SLC7A14: variants seen among roughly 807,000 people sequenced by gnomAD.
SLC7A14 encodes solute carrier family 7 member 14.
Under a neutral mutation model 60.2 loss-of-function variants are expected in SLC7A14, and 37 were observed. The ratio of observed to expected loss-of-function variants is 0.61; its 90% CI spans 0.47 to 0.81. The LOEUF (loss-of-function observed/expected upper bound fraction) is 0.81, where lower values mean the gene tolerates loss of function less well. SLC7A14 is among the 30% of genes least tolerant of loss of function. SLC7A14 has a pLI of 0.00. For synonymous variants in SLC7A14, 399 were observed against 395.8 expected (o/e 1.01, Z -0.10); for missense variants, 886 against 982.7 (o/e 0.90, Z 1.32).
At position 170,501,133 on chromosome 3, in the gene SLC7A14, T is replaced by C; in HGVS notation, c.517A>G (p.Ser173Gly). The C allele has an allele frequency of 6.2e-7, 1 of 1,614,252 alleles. No individual in the cohort carries two copies. ...NHTISRWMAD[S>G]VGTLNGLGKG... ...CCCAGGCCATTGAGGGTTCCCACGC[T>C]GTCCGCCATCCAGCGGCTGATGGTG... Residue 173 changes from serine (S) to glycine (G), a missense_variant, in exon 3 of 8, where the codon AGC becomes GGC. Transcript: ENST00000231706.
intron 1 of SLC7A14, among the ~76,000 whole-genome samples, chr3:170,569,324 C>T (rs1216367740): frequency 7.2e-5 from 11 of 152,212 alleles, no homozygotes; most frequent in African/African-American, 1.4e-4. Context: ...TATTGATTTG[C>T]GTATGTTGAA....
At chr3:170,496,415 G>A in intron 4 of SLC7A14, 2 of 1,363,724 alleles carry the variant, frequency 1.5e-6, no homozygotes, top group Admixed American at 3.4e-5. Context: ...AAGGCCAGAG[G>A]GCTTCCCTGG....
Position 170,509,525 on chromosome 3 carries a change from A to C in SLC7A14, c.305-8180T>G, listed in dbSNP as rs137971193. Among the ~76,000 whole-genome samples the C allele has an allele frequency of 4.0e-3, 603 of 152,346 alleles. 4 individuals are homozygous for C. The highest frequency in any genetic ancestry group is 6.1e-3 in the Non-Finnish European group (416 of 68,034). ...ATAATTTGTTGATTAAATGTAACCA[A>C]CTGGCCGGGCACGGTGGCTCACACC... On this transcript the variant is annotated intron_variant, in intron 2 of 7. Transcript: ENST00000231706.
chr3:170,470,495 C>T (rs1311035426), intron 7 of SLC7A14, among the ~76,000 whole-genome samples: 1 of 151,374 alleles, frequency 6.6e-6, no homozygotes, highest in African/African-American at 2.4e-5. Flanking sequence ...ATCACTCTGT[C>T]TTCAAAAATG....
intron 1 of SLC7A14, chr3:170,569,965 C>G (rs1001923861): frequency 6.6e-6 from 1 of 152,088 alleles, no homozygotes; most frequent in Non-Finnish European, 1.5e-5. Context: ...ATACCAGCTC[C>G]TGGATTCATT....
chr3:170,536,765 G>C (rs577210996), intron 1 of SLC7A14, among the ~76,000 whole-genome samples: 3 of 152,310 alleles, frequency 2.0e-5, no homozygotes, highest in Middle Eastern at 6.8e-3. Context: ...TAGTTGCAAA[G>C]TGTACTCATG....
At chr3:170,542,617 T>TAA (rs1201817304) in intron 1 of SLC7A14, among the ~76,000 whole-genome samples, 1 of 152,250 alleles carries the variant, frequency 6.6e-6, no homozygotes, top group Non-Finnish European at 1.5e-5. Flanking sequence ...CACTCAGTGT[T>TAA]GTTCAAGTCC....
intron 1 of SLC7A14, among the ~76,000 whole-genome samples, chr3:170,582,216 A>G (rs959255034): frequency 1.3e-5 from 2 of 152,112 alleles, no homozygotes; most frequent in Middle Eastern, 3.2e-3. Flanking sequence ...CAGAAGATTC[A>G]AAGAAGAGTA....
intron 2 of SLC7A14, among the ~76,000 whole-genome samples, chr3:170,516,818 G>C (rs1237436682): frequency 6.6e-6 from 1 of 152,092 alleles, no homozygotes; most frequent in Non-Finnish European, 1.5e-5. Context: ...GTATGAAGCA[G>C]CATGGGGGTC....
chr3:170,467,439 A>G (rs889149842), intron 7 of SLC7A14, 62 bp from the exon 8 acceptor site: 2 of 1,015,248 alleles, frequency 2.0e-6, no homozygotes, highest in Admixed American at 3.9e-5. Flanking sequence ...TGGGACTAGC[A>G]GAGAGATCAC....
chr3:170,483,762 G>A (rs2108270672), intron 5 of SLC7A14, among the ~76,000 whole-genome samples: 1 of 152,314 alleles, frequency 6.6e-6, no homozygotes, highest in South Asian at 2.1e-4. Context: ...CTATCTCTCT[G>A]GTCCTTTGAT....
chr3:170,483,960 C>T (rs1430843159), intron 5 of SLC7A14, among the ~76,000 whole-genome samples: 4 of 152,222 alleles, frequency 2.6e-5, no homozygotes, highest in African/African-American at 9.7e-5. Flanking sequence ...TCTGGTCCTA[C>T]AGGGTTTTAT....
intron 1 of SLC7A14, among the ~76,000 whole-genome samples, chr3:170,541,155 G>T (rs561088264): frequency 6.6e-6 from 1 of 152,276 alleles, no homozygotes; most frequent in African/African-American, 2.4e-5. Flanking sequence ...TGCAGAAAAA[G>T]ATTTATTTCA....
At chr3:170,482,817 A>G (rs1711876502) in intron 6 of SLC7A14, among the ~76,000 whole-genome samples, 2 of 152,256 alleles carry the variant, frequency 1.3e-5, no homozygotes, top group African/African-American at 4.8e-5. Context: ...CACAGCACCC[A>G]GGACACACAA....
At chr3:170,570,688 A>G (rs989767082) in intron 1 of SLC7A14, among the ~76,000 whole-genome samples, 5 of 152,148 alleles carry the variant, frequency 3.3e-5, no homozygotes, top group African/African-American at 1.2e-4. Context: ...GACACTGGTA[A>G]AGTATTTCAT....
Position 170,501,363 on chromosome 3 carries a change from A to T in SLC7A14, c.305-18T>A. ...GCAGACGCCTGCAAGGGACAGACATACACAGATGGTGGACTTCAGGAGATG... is the reference window on the plus strand; with the variant it reads ...GCAGACGCCTGCAAGGGACAGACATTCACAGATGGTGGACTTCAGGAGATG... On this transcript the variant is annotated intron_variant, in intron 2 of 7. Coordinates refer to ENST00000231706, the MANE Select transcript of SLC7A14 (RefSeq NM_020949.3). 1 of 1,606,042 alleles carries T rather than the reference A, an allele frequency of 6.2e-7. No individual in the cohort carries two copies. The highest frequency in any genetic ancestry group is 8.5e-7 in the Non-Finnish European group (1 of 1,172,702).
At chr3:170,562,196 T>C (rs1714672289) in intron 1 of SLC7A14, among the ~76,000 whole-genome samples, 1 of 152,088 alleles carries the variant, frequency 6.6e-6, no homozygotes, top group Non-Finnish European at 1.5e-5. Context: ...CACACACATA[T>C]CTAGAGCAGC....
At chr3:170,569,774 C>T (rs1714893071) in intron 1 of SLC7A14, among the ~76,000 whole-genome samples, 1 of 152,028 alleles carries the variant, frequency 6.6e-6, no homozygotes, top group South Asian at 2.1e-4. Context: ...TCCATTTTTT[C>T]TAGATTTTCT....
chr3:170,552,419 G>A (rs773234282), intron 1 of SLC7A14, among the ~76,000 whole-genome samples: 1 of 152,054 alleles, frequency 6.6e-6, no homozygotes, highest in Non-Finnish European at 1.5e-5. Flanking sequence ...AATCTTTATA[G>A]CACATATAAA....
Sources: gnomAD v4.1 joint callset for allele counts (sites outside exome capture counted in the v4.1 genomes callset) on GRCh38, gnomAD v4.1.1 for gene constraint, MANE v1.5 for transcripts, NCBI Gene and HGNC (gene_info 2026-07-23, HGNC 2026-07-21) for gene names.